The following TNPO1 variants were observed in gnomAD, a reference collection of about 807,000 sequenced individuals.
The protein encoded by TNPO1 is transportin 1, also known as transportin-1.
In TNPO1, 8 loss-of-function variants were observed where a neutral mutation model predicts 119.5. The ratio of observed to expected loss-of-function variants is 0.07; its 90% CI spans 0.04 to 0.12. TNPO1 has a LOEUF of 0.12. Ranked by LOEUF, TNPO1 falls within the 10% of genes least tolerant of loss-of-function variation. The probability of loss-of-function intolerance (pLI) is 1.00; values close to 1 mark genes in which losing one functional copy is unlikely to be tolerated. For synonymous variants in TNPO1, 362 were observed against 363.0 expected (o/e 1.00, Z 0.03); for missense variants, 576 against 1,089.8 (o/e 0.53, Z 6.64).
rs1447529123 is a variant in TNPO1, at chr5:72,910,742, T to G, written c.*2069T>G. The G allele has an allele frequency of 6.6e-6, 1 of 152,196 alleles. No homozygotes were observed. The highest frequency in any genetic ancestry group is 1.5e-5 in the Non-Finnish European group (1 of 67,962). The allele number at this position is 152,196 out of a possible 1,614,324, so 9.4% of individuals were successfully genotyped here. On this transcript the variant is annotated 3_prime_UTR_variant, in exon 25 of 25. Transcript: ENST00000337273. ...TGTGTGCGTGTGAATTTATACTGTT[T>G]CAAAAATTTCAAATGCATGGTAGCA...
chr5:72,895,378 A>G (rs1749356308), intron 18 of TNPO1, among the ~76,000 whole-genome samples: 1 of 147,606 alleles, frequency 6.8e-6, no homozygotes, highest in Admixed American at 6.8e-5. Context: ...AATGTTACCA[A>G]TCTTGATGAT....
intron 9 of TNPO1, among the ~76,000 whole-genome samples, chr5:72,881,497 T>C (rs1748245479): frequency 6.6e-6 from 1 of 152,220 alleles, no homozygotes; most frequent in South Asian, 2.1e-4. Context: ...ACCAGGTTGT[T>C]GAATGCCTTT....
intron 1 of TNPO1, among the ~76,000 whole-genome samples, chr5:72,823,719 A>G (rs1291890149): frequency 1.3e-5 from 2 of 152,116 alleles, no homozygotes; most frequent in African/African-American, 4.8e-5. Context: ...GTTTGGCAAA[A>G]CCAGAGCTCT....
chr5:72,841,977 A>T (rs1744936884), intron 1 of TNPO1, among the ~76,000 whole-genome samples: 1 of 152,088 alleles, frequency 6.6e-6, no homozygotes, highest in Non-Finnish European at 1.5e-5. Flanking sequence ...AGCTGTTTTG[A>T]TTTATCTGCT....
intron 9 of TNPO1, among the ~76,000 whole-genome samples, chr5:72,880,623 T>C (rs757013855): frequency 3.3e-5 from 5 of 152,154 alleles, no homozygotes; most frequent in African/African-American, 4.8e-5. Flanking sequence ...AAGACCAGCT[T>C]GGCCAACATG....
At chr5:72,882,906 A>G (rs1050402732) in intron 10 of TNPO1, among the ~76,000 whole-genome samples, 158 bp from the exon 11 acceptor site, 3 of 152,144 alleles carry the variant, frequency 2.0e-5, no homozygotes, top group Non-Finnish European at 2.9e-5. Flanking sequence ...TCCATAAGGA[A>G]TATGTTCTGT....
chr5:72,898,983 G>A (rs1749633945), intron 20 of TNPO1, among the ~76,000 whole-genome samples: 1 of 152,012 alleles, frequency 6.6e-6, no homozygotes, highest in Non-Finnish European at 1.5e-5. Context: ...TTCCTGTTGT[G>A]TATGAATGTA....
chr5:72,880,271 T>A (rs1170060421), intron 9 of TNPO1, among the ~76,000 whole-genome samples: 1 of 152,238 alleles, frequency 6.6e-6, no homozygotes, highest in Non-Finnish European at 1.5e-5. Flanking sequence ...TCCCTTTTTT[T>A]ATTTTTTTAA....
intron 3 of TNPO1, among the ~76,000 whole-genome samples, chr5:72,853,352 G>A (rs951490443): frequency 1.3e-5 from 2 of 152,126 alleles, no homozygotes. Context: ...GAGGTGGGAG[G>A]ATCACCTGAG....
intron 20 of TNPO1, among the ~76,000 whole-genome samples, chr5:72,898,698 A>G (rs376104457): frequency 1.6e-4 from 25 of 152,214 alleles, no homozygotes; most frequent in South Asian, 1.0e-3. Flanking sequence ...AACTTTTTCA[A>G]TGGACCATCA....
At chr5:72,832,350 G>C (rs1378827702) in intron 1 of TNPO1, among the ~76,000 whole-genome samples, 1 of 152,028 alleles carries the variant, frequency 6.6e-6, no homozygotes, top group South Asian at 2.1e-4. Flanking sequence ...TCTCATGTTT[G>C]TTTAATGTTG....
In TNPO1 at chr5:72,913,013, GTGT is replaced by G. The variant is rs1315674147; in HGVS notation, c.*4345_*4347del. ...AGGAGGGGAAACTAACTTGCTACTA[GTGT>G]TGTTAATGAAGTATAGGCCTTGGAA... On this transcript the variant is annotated 3_prime_UTR_variant, in exon 25 of 25. Coordinates refer to ENST00000337273, the MANE Select transcript of TNPO1 (RefSeq NM_002270.4). The G allele has an allele frequency of 3.3e-5, 5 of 152,586 alleles. No homozygotes were observed. The highest frequency in any genetic ancestry group is 1.2e-4 in the African/African-American group (5 of 41,538). 9.5% of individuals were successfully genotyped at this position (152,586 alleles called of 1,614,324 possible). A position where few individuals can be genotyped will look rare whatever the true frequency, so the allele number is the denominator to read the frequency against.
At chr5:72,869,393 A>G (rs1320549901) in intron 6 of TNPO1, among the ~76,000 whole-genome samples, 1 of 152,058 alleles carries the variant, frequency 6.6e-6, no homozygotes, top group African/African-American at 2.4e-5. Flanking sequence ...TTAAAAATAC[A>G]AAAGTTAGCC....
At chr5:72,872,757 C>CT (rs370030218) in intron 7 of TNPO1, 37 bp downstream of exon 7, 88,018 of 1,077,120 alleles carry the variant, frequency 0.082, 4 homozygotes, top group South Asian at 0.11. Flanking sequence ...AACCCCCCAG[C>CT]TTTTTTTTTT....
At chr5:72,873,047 T>A (rs1747524158) in intron 7 of TNPO1, among the ~76,000 whole-genome samples, 2 of 152,058 alleles carry the variant, frequency 1.3e-5, no homozygotes, top group Non-Finnish European at 2.9e-5. Context: ...ACCAAGTCCC[T>A]CAGCTCATGC....
intron 1 of TNPO1, among the ~76,000 whole-genome samples, chr5:72,832,924 C>T (rs1211922360): frequency 6.6e-6 from 1 of 152,146 alleles, no homozygotes; most frequent in Admixed American, 6.5e-5. Context: ...ATTCATTAGA[C>T]TTCCTACCTT....
At chr5:72,861,738 A>G (rs1198106298) in intron 4 of TNPO1, 70 bp from the exon 5 acceptor site, 2 of 1,068,564 alleles carry the variant, frequency 1.9e-6, no homozygotes, top group East Asian at 4.8e-5. Flanking sequence ...GTTTGTGCAC[A>G]CAGTTGCTCA....
chr5:72,855,758 T>G lies in TNPO1; in HGVS notation c.206-16T>G, dbSNP rs1219829978. ...AGACTACTTCAAAACTCATTACTAT[T>G]ACTATTTTATTACAGATGAACCCAC... On this transcript the variant is annotated splice_polypyrimidine_tract_variant and intron_variant, in intron 3 of 24. Transcript: ENST00000337273. 4.4e-6 allele frequency: 7 copies of G among 1,577,492 alleles called. No homozygotes were observed. In the African/African-American group the frequency reaches 8.2e-5, roughly 18 times the overall value.
rs1750697079 is a variant in TNPO1, at chr5:72,913,536, C to T, written c.*4863C>T. The T allele has an allele frequency of 6.6e-6, 1 of 152,244 alleles. No individual in the cohort carries two copies. The highest frequency in any genetic ancestry group is 2.4e-5 in the African/African-American group (1 of 41,356). 9.4% of individuals were successfully genotyped at this position (152,244 alleles called of 1,614,324 possible). A position where few individuals can be genotyped will look rare whatever the true frequency, so the allele number is the denominator to read the frequency against. On this transcript the variant is annotated 3_prime_UTR_variant, in exon 25 of 25. Coordinates refer to ENST00000337273, the MANE Select transcript of TNPO1 (RefSeq NM_002270.4). ...ACCTCTTGTACATTTTAAAACCAGGCCAAATCTATTTGCCAAGCAGTGTAT... is the reference window on the plus strand; with the variant it reads ...ACCTCTTGTACATTTTAAAACCAGGTCAAATCTATTTGCCAAGCAGTGTAT...
Sources: allele counts gnomAD v4.1 joint callset (sites outside exome capture counted in the v4.1 genomes callset), GRCh38; gene constraint gnomAD v4.1.1; transcripts MANE v1.5; gene names NCBI Gene and HGNC (gene_info 2026-07-23, HGNC 2026-07-21).